FBXL17: variants seen among roughly 807,000 people sequenced by gnomAD.
FBXL17 encodes the protein F-box and leucine rich repeat protein 17.
Under a neutral mutation model 66.2 loss-of-function variants are expected in FBXL17, and 22 were observed. The ratio of observed to expected loss-of-function variants is 0.33; its 90% confidence interval spans 0.24 to 0.47. FBXL17 has a LOEUF of 0.47. Ranked by LOEUF, FBXL17 falls within the 20% of genes least tolerant of loss-of-function variation. The pLI is 1.00. For synonymous variants in FBXL17, 474 were observed against 400.5 expected (o/e 1.18, Z -2.19); for missense variants, 878 against 948.2 (o/e 0.93, Z 0.97).
intron 6 of FBXL17, among the ~76,000 whole-genome samples, chr5:108,102,772 A>G (rs1376462471): frequency 6.6e-6 from 1 of 152,180 alleles, no homozygotes; most frequent in Non-Finnish European, 1.5e-5. Flanking sequence ...CTCAGAAATA[A>G]TGCCTCCATG....
At chr5:108,130,931 A>G (rs1277870631) in intron 6 of FBXL17, among the ~76,000 whole-genome samples, 1 of 152,152 alleles carries the variant, frequency 6.6e-6, no homozygotes, top group Non-Finnish European at 1.5e-5. Context: ...GGAAGATAGA[A>G]TAAGTAATTT....
chr5:108,074,509 A>G (rs2112869340), intron 6 of FBXL17, among the ~76,000 whole-genome samples: 1 of 151,620 alleles, frequency 6.6e-6, no homozygotes, highest in South Asian at 2.1e-4. Context: ...TCCTTGTTTT[A>G]TGAATTGTTT....
chr5:108,108,408 T>C (rs1268398505), intron 6 of FBXL17, among the ~76,000 whole-genome samples: 2 of 152,190 alleles, frequency 1.3e-5, no homozygotes, highest in African/African-American at 2.4e-5. Context: ...AATGAAAGTG[T>C]TTAGAAAACT....
At chr5:108,137,207 T>C (rs978399233) in intron 6 of FBXL17, among the ~76,000 whole-genome samples, 1 of 152,214 alleles carries the variant, frequency 6.6e-6, no homozygotes, top group African/African-American at 2.4e-5. Context: ...GAAGGATAAT[T>C]ACATTCAGTG....
chr5:107,919,430 A>G (rs1312465527), intron 7 of FBXL17, among the ~76,000 whole-genome samples: 1 of 152,174 alleles, frequency 6.6e-6, no homozygotes, highest in Non-Finnish European at 1.5e-5. Context: ...ATGAACAGCC[A>G]AAGTGATCCT....
At chr5:108,101,160 G>A (rs1225705737) in intron 6 of FBXL17, among the ~76,000 whole-genome samples, 1 of 152,224 alleles carries the variant, frequency 6.6e-6, no homozygotes, top group African/African-American at 2.4e-5. Flanking sequence ...CATACTCAGA[G>A]GAGAGGCATT....
At chr5:108,296,119 A>G (rs1449182816) in intron 4 of FBXL17, among the ~76,000 whole-genome samples, 1 of 151,880 alleles carries the variant, frequency 6.6e-6, no homozygotes, top group African/African-American at 2.4e-5. Context: ...TTGTGAGGAG[A>G]AAAGAAAGAA....
intron 7 of FBXL17, among the ~76,000 whole-genome samples, chr5:108,001,228 G>C (rs1297157136): frequency 6.6e-6 from 1 of 151,988 alleles, no homozygotes; most frequent in African/African-American, 2.4e-5. Context: ...CTACTCAATA[G>C]TTTTGATCCA....
chr5:107,929,630 T>C (rs946577134), intron 7 of FBXL17, among the ~76,000 whole-genome samples: 10 of 152,054 alleles, frequency 6.6e-5, no homozygotes, highest in Admixed American at 3.3e-4. Flanking sequence ...AAAATTGGAG[T>C]TGGAGTCAGA....
chr5:107,903,946 T>G (rs1269082693), intron 7 of FBXL17, among the ~76,000 whole-genome samples: 1 of 152,208 alleles, frequency 6.6e-6, no homozygotes, highest in Non-Finnish European at 1.5e-5. Context: ...GTATTGATTA[T>G]ACGATCCAAG....
At position 108,364,900 on chromosome 5, in the gene FBXL17, T is replaced by G; in HGVS notation, c.1212A>C (p.Val404=). The G allele has an allele frequency of 6.2e-7, 1 of 1,613,020 alleles. No individual in the cohort carries two copies. Among genetic ancestry groups the G allele is most frequent in the Non-Finnish European group, 8.5e-7 (1 of 1,179,222 alleles). The change falls in exon 3 of 9, where the codon GTA becomes GTC. Residue 404 remains valine, a synonymous_variant. Transcript: ENST00000542267. The stretch of plus-strand genomic sequence containing the variant: ...CAGGACATTTAAATGCTAAAACACA[T>G]ACGCCATTATCAGACATACTGCGAC... ...SDCRSMSDNG[V]CVLAFKCPGL...
rs147086309 is a variant in FBXL17, at chr5:108,260,854, C to T, written c.1507-36626G>A. 5.2e-3 allele frequency among the ~76,000 whole-genome samples: 795 copies of T among 152,212 alleles called. 11 individuals are homozygous for T. The highest frequency in any genetic ancestry group is 0.018 in the African/African-American group (759 of 41,518). ...TTTGCTATAGTCATTTCACCAATAT[C>T]GGTATCACACAGTCTCGCATTTTAC... is the stretch of plus-strand genomic sequence containing the variant. On this transcript the variant is annotated intron_variant, in intron 4 of 8. Coordinates refer to ENST00000542267, the MANE Select transcript of FBXL17 (RefSeq NM_001163315.3).
intron 8 of FBXL17, among the ~76,000 whole-genome samples, chr5:107,875,183 A>C (rs1748583008): frequency 6.6e-6 from 1 of 151,818 alleles, no homozygotes; most frequent in Admixed American, 6.6e-5. Flanking sequence ...GGCAACCTGG[A>C]AACAGCTGTG....
chr5:107,886,681 A>G (rs1351590961), intron 7 of FBXL17, among the ~76,000 whole-genome samples: 1 of 152,178 alleles, frequency 6.6e-6, no homozygotes, highest in Admixed American at 6.5e-5. Context: ...ATAAATAATG[A>G]TAGTATGGAT....
intron 6 of FBXL17, among the ~76,000 whole-genome samples, chr5:108,127,706 G>A (rs1416214928): frequency 6.6e-6 from 1 of 152,072 alleles, no homozygotes; most frequent in African/African-American, 2.4e-5. Flanking sequence ...GTAATGTGAT[G>A]TAAACTTGAA....
intron 6 of FBXL17, among the ~76,000 whole-genome samples, chr5:108,126,684 T>TATATATATATATATAC (rs1313924066): frequency 2.2e-5 from 3 of 135,538 alleles, no homozygotes; most frequent in Non-Finnish European, 3.2e-5. Flanking sequence ...TATATATATA[T>TATATATATATATATAC]ACACACATAC....
intron 6 of FBXL17, among the ~76,000 whole-genome samples, chr5:108,151,667 T>A (rs913865737): frequency 6.6e-6 from 1 of 152,148 alleles, no homozygotes; most frequent in Non-Finnish European, 1.5e-5. Flanking sequence ...GCTCAAATGT[T>A]ACCCATAAAA....
intron 6 of FBXL17, among the ~76,000 whole-genome samples, chr5:108,122,268 C>G (rs560217361): frequency 1.3e-5 from 2 of 152,122 alleles, no homozygotes; most frequent in African/African-American, 2.4e-5. Context: ...TGAAAACGCT[C>G]AGGCATACAG....
chr5:107,935,875 G>A (rs1157550106), intron 7 of FBXL17, among the ~76,000 whole-genome samples: 1 of 152,106 alleles, frequency 6.6e-6, no homozygotes, highest in Non-Finnish European at 1.5e-5. Flanking sequence ...GGTGGGGGAA[G>A]ACAGCAAACT....
Sources: gnomAD v4.1 joint callset for allele counts (sites outside exome capture counted in the v4.1 genomes callset) on GRCh38, gnomAD v4.1.1 for gene constraint, MANE v1.5 for transcripts, NCBI Gene and HGNC (gene_info 2026-07-23, HGNC 2026-07-21) for gene names.